FCER1G: variants seen among roughly 807,000 people sequenced by gnomAD.
FCER1G encodes high affinity immunoglobulin epsilon receptor subunit gamma.
Under a neutral mutation model 17.3 loss-of-function variants are expected in FCER1G, and 7 were observed. The ratio of observed to expected loss-of-function variants is 0.40; its 90% confidence interval spans 0.23 to 0.76. The LOEUF is 0.76. FCER1G is among the 30% of genes least tolerant of loss of function. The pLI, the probability that FCER1G is intolerant of heterozygous loss-of-function variation, is 0.35. For synonymous variants in FCER1G, 35 were observed against 38.7 expected, an observed-to-expected ratio of 0.90 and a Z score of 0.35; for missense variants, 87 against 97.7, an observed-to-expected ratio of 0.89 and a Z score of 0.46.
chr1:161,215,422 A>G, intron 1 of FCER1G, 52 bp downstream of exon 1: 4 of 1,545,788 alleles, frequency 2.6e-6, no homozygotes, highest in Non-Finnish European at 3.6e-6. Context: ...GTGGAAGTCC[A>G]GAGCTTGGGT....
intron 1 of FCER1G, 115 bp from the exon 2 acceptor site, chr1:161,217,871 T>A (rs781068951): frequency 6.8e-6 from 5 of 733,090 alleles, no homozygotes; most frequent in Non-Finnish European, 1.2e-5. Flanking sequence ...TTTCTTCCCT[T>A]AGACGGCTCC....
Position 161,218,957 on chromosome 1 carries a change from G to T in FCER1G, c.*14G>T. 6.9e-6 allele frequency: 11 copies of T among 1,601,822 alleles called. No homozygotes were observed. The highest frequency in any genetic ancestry group is 8.6e-6 in the Non-Finnish European group (10 of 1,168,796). Reference sequence around the variant, plus strand: ...CCACCACAGTAGCTTTAGAATAGATGCGGTCATATTCTTCTTTGGCTTCTG... The same window carrying T: ...CCACCACAGTAGCTTTAGAATAGATTCGGTCATATTCTTCTTTGGCTTCTG... On this transcript the variant is annotated 3_prime_UTR_variant, in exon 5 of 5. Coordinates refer to ENST00000289902, the MANE Select transcript of FCER1G (RefSeq NM_004106.2).
chr1:161,216,635 A>G (rs1385726346), intron 1 of FCER1G, among the ~76,000 whole-genome samples: 2 of 152,142 alleles, frequency 1.3e-5, no homozygotes, highest in East Asian at 3.8e-4. Flanking sequence ...CAGCTGAGAA[A>G]TAGAGGCAGA....
intron 1 of FCER1G, among the ~76,000 whole-genome samples, chr1:161,217,472 G>A (rs1015527440): frequency 6.7e-6 from 1 of 148,890 alleles, no homozygotes; most frequent in Admixed American, 6.8e-5. Flanking sequence ...GATGACCAAT[G>A]ATAGAGTAAT....
rs758357837 is a variant in FCER1G, at chr1:161,218,922, G to A, written c.240G>A (p.Lys80=). Residue 80 remains lysine (K), a synonymous_variant, in exon 5 of 5, where the codon AAG becomes AAA. Transcript: ENST00000289902. ...ACCAGGAGACTTACGAGACTCTGAA[G>A]CATGAGAAACCACCACAGTAGCTTT... The part of the protein sequence containing the change: ...TRNQETYETL[K]HEKPPQ 4 of 1,613,904 alleles carry A rather than the reference G, an allele frequency of 2.5e-6. No individual in the cohort carries two copies. Among genetic ancestry groups the A allele is most frequent in the Middle Eastern group, 1.6e-4 (1 of 6,062 alleles).
At chr1:161,217,385 CT>C (rs748410818) in intron 1 of FCER1G, among the ~76,000 whole-genome samples, 1,914 of 121,386 alleles carry the variant, frequency 0.016, 36 homozygotes, top group African/African-American at 0.047. Context: ...AACAGACACA[CT>C]TTTTTTTTTT....
At chr1:161,217,938 G>T in intron 1 of FCER1G, 48 bp from the exon 2 acceptor site, 1 of 1,291,194 alleles carries the variant, frequency 7.7e-7, no homozygotes, top group Non-Finnish European at 1.1e-6. Context: ...CTGAGTACCA[G>T]ATCCTCCCTG....
At chr1:161,215,591 G>GTAT (rs977880066) in intron 1 of FCER1G, among the ~76,000 whole-genome samples, 4 of 151,778 alleles carry the variant, frequency 2.6e-5, no homozygotes, top group Admixed American at 6.6e-5. Context: ...ACTTTTCTCC[G>GTAT]TATTATTATT....
intron 1 of FCER1G, among the ~76,000 whole-genome samples, chr1:161,216,456 C>T (rs962776319): frequency 3.8e-5 from 5 of 132,784 alleles, no homozygotes; most frequent in East Asian, 3.1e-4. Context: ...AGAGATAACC[C>T]TTTAGGAAGG....
At position 161,216,423 on chromosome 1, in the gene FCER1G, T is replaced by TAGAG. The variant is rs775459058; in HGVS notation, c.49+1054_49+1055insGAGA. On this transcript the variant is annotated intron_variant, in intron 1 of 4. Coordinates refer to ENST00000289902, the MANE Select transcript of FCER1G (RefSeq NM_004106.2). ...ACACACACACACACATATATATATATATATAGAGAGAGAGAGAGAGAGAGA... is the reference window on the plus strand; with the variant it reads ...ACACACACACACACATATATATATATAGAGATATAGAGAGAGAGAGAGAGAGAGA... Among the ~76,000 whole-genome samples the TAGAG allele has an allele frequency of 0.011, 1,560 of 142,216 alleles. 85 individuals carry two copies. The East Asian group carries it at 0.16, about 15-fold the overall frequency. The allele number at this position is 142,216 out of a possible 152,430, so 93.3% of individuals were successfully genotyped here.
At position 161,215,362 on chromosome 1, in the gene FCER1G, A is replaced by G. The variant is rs750186006; in HGVS notation, c.41A>G (p.Glu14Gly). 4.3e-5 allele frequency: 69 copies of G among 1,613,488 alleles called. No individual in the cohort carries two copies. The highest frequency in any genetic ancestry group is 5.8e-5 in the Non-Finnish European group (69 of 1,179,722). ...AVVLLLLLLV[E>G]QAAALGEPQL... Reference sequence around the variant, plus strand: ...GTCTTGCTCTTACTCCTTTTGGTTGAACAAGCAGGTAAGAGGGTTTGGTGA... The same window carrying G: ...GTCTTGCTCTTACTCCTTTTGGTTGGACAAGCAGGTAAGAGGGTTTGGTGA... Residue 14 changes from glutamate to glycine, a missense_variant, in exon 1 of 5, where the codon GAA becomes GGA. Transcript: ENST00000289902.
intron 1 of FCER1G, among the ~76,000 whole-genome samples, chr1:161,215,654 G>A (rs951582417): frequency 1.3e-5 from 2 of 151,994 alleles, no homozygotes; most frequent in Non-Finnish European, 2.9e-5. Flanking sequence ...GTGCAGTGGC[G>A]CAATCTCTAC....
intron 3 of FCER1G, 72 bp from the exon 4 acceptor site, chr1:161,218,630 TG>T: frequency 6.5e-7 from 1 of 1,544,836 alleles, no homozygotes; most frequent in Non-Finnish European, 9.0e-7. Context: ...CATGCCTCCC[TG>T]GGTGGGGCAG....
chr1:161,216,409 C>CATAT (rs1269808605), intron 1 of FCER1G, among the ~76,000 whole-genome samples: 8 of 141,904 alleles, frequency 5.6e-5, no homozygotes, highest in Middle Eastern at 3.6e-3. Context: ...CACACACACA[C>CATAT]ACATATATAT....
chr1:161,218,691 T>C lies in FCER1G; in HGVS notation c.178-12T>C. 2 of 1,614,092 alleles carry C rather than the reference T, an allele frequency of 1.2e-6. No individual in the cohort carries two copies. The highest frequency in any genetic ancestry group is 1.7e-6 in the Non-Finnish European group (2 of 1,179,972). The stretch of plus-strand genomic sequence containing the variant: ...GTGGGTCTTTAATGTTTTGCTTCTT[T>C]TGTCTCTGCAGAAATCAGATGGTGT... On this transcript the variant is annotated splice_polypyrimidine_tract_variant and intron_variant, in intron 3 of 4. Coordinates refer to ENST00000289902, the MANE Select transcript of FCER1G (RefSeq NM_004106.2).
At chr1:161,218,786 T>A in intron 4 of FCER1G, 63 bp downstream of exon 4, 1 of 1,604,280 alleles carries the variant, frequency 6.2e-7, no homozygotes, top group Non-Finnish European at 8.5e-7. Flanking sequence ...TTGAGCGATC[T>A]TTGGAAGGCC....
intron 1 of FCER1G, among the ~76,000 whole-genome samples, chr1:161,216,508 G>A (rs982748158): frequency 6.6e-6 from 1 of 151,448 alleles, no homozygotes; most frequent in African/African-American, 2.4e-5. Flanking sequence ...CAAGGATATA[G>A]CCAAGACAAA....
intron 1 of FCER1G, 109 bp from the exon 2 acceptor site, chr1:161,217,877 G>A: frequency 4.0e-6 from 3 of 753,284 alleles, no homozygotes. Flanking sequence ...CCCTTAGACG[G>A]CTCCCCTCCA....
Position 161,219,103 on chromosome 1 carries a change from T to G in FCER1G, c.*160T>G, listed in dbSNP as rs3557. The stretch of plus-strand genomic sequence containing the variant: ...ATACACCAGTGGTTCCTCCTCCCTG[T>G]TAAAGACTAATGCTCAGATGCTGTT... On this transcript the variant is annotated 3_prime_UTR_variant, in exon 5 of 5. Transcript: ENST00000289902. 0.071 allele frequency: 44,592 copies of G among 626,370 alleles called. 1,826 individuals carry two copies. Among genetic ancestry groups the G allele is most frequent in the South Asian group, 0.088 (4,576 of 52,174 alleles). The allele number at this position is 626,370 out of a possible 1,614,324, so 38.8% of individuals were successfully genotyped here.
Sources: gnomAD v4.1 joint callset for allele counts (sites outside exome capture counted in the v4.1 genomes callset) on GRCh38, gnomAD v4.1.1 for gene constraint, MANE v1.5 for transcripts, NCBI Gene and HGNC (gene_info 2026-07-23, HGNC 2026-07-21) for gene names.